The following DNAJC1 variants were observed in gnomAD, a reference collection of about 807,000 sequenced individuals.
The protein encoded by DNAJC1 is DnaJ heat shock protein family (Hsp40) member C1.
DNAJC1 carries 58 observed loss-of-function variants against 76.6 expected under a neutral mutation model. The observed-to-expected ratio is 0.76, with a 90% CI of 0.61 to 0.94. The LOEUF (loss-of-function observed/expected upper bound fraction) is 0.94. Among genes scored for constraint, DNAJC1 ranks in the 40% least tolerant of loss-of-function variants. The pLI, the probability that DNAJC1 is intolerant of heterozygous loss-of-function variation, is 0.00. For synonymous variants in DNAJC1, 258 were observed against 267.9 expected, an observed-to-expected ratio of 0.96 and a Z score of 0.36; for missense variants, 689 against 677.3, an observed-to-expected ratio of 1.02 and a Z score of -0.19.
chr10:21,923,067 C>T (rs567179437), intron 3 of DNAJC1, among the ~76,000 whole-genome samples: 1 of 151,920 alleles, frequency 6.6e-6, no homozygotes, highest in African/African-American at 2.4e-5. Flanking sequence ...TATTTTCTAC[C>T]CTACGTACAA....
At chr10:21,988,522 A>G (rs928368703) in intron 1 of DNAJC1, among the ~76,000 whole-genome samples, 3 of 152,178 alleles carry the variant, frequency 2.0e-5, no homozygotes, top group Admixed American at 1.3e-4. Context: ...CATTTAAAGT[A>G]TGTTCCAAAT....
chr10:21,981,704 C>T (rs746615165), intron 1 of DNAJC1, among the ~76,000 whole-genome samples: 27 of 152,084 alleles, frequency 1.8e-4, no homozygotes, highest in Admixed American at 3.3e-4. Flanking sequence ...GCAGACGGTG[C>T]CAGGAAAACT....
At chr10:21,781,872 C>T (rs1320167487) in intron 9 of DNAJC1, among the ~76,000 whole-genome samples, 1 of 151,748 alleles carries the variant, frequency 6.6e-6, no homozygotes, top group African/African-American at 2.4e-5. Flanking sequence ...CACAACATAC[C>T]AGAATCTCTG....
chr10:21,899,919 G>A (rs538707878), intron 7 of DNAJC1, among the ~76,000 whole-genome samples: 1 of 152,334 alleles, frequency 6.6e-6, no homozygotes, highest in South Asian at 2.1e-4. Context: ...AAACTTTCCA[G>A]GACTGGAAGT....
chr10:21,861,502 C>T (rs1040503586), intron 8 of DNAJC1, among the ~76,000 whole-genome samples: 17 of 152,080 alleles, frequency 1.1e-4, no homozygotes, highest in Admixed American at 2.0e-4. Context: ...TGAGTAGGGG[C>T]TGGATAAAAT....
chr10:21,978,450 A>C (rs2131835103), intron 1 of DNAJC1, among the ~76,000 whole-genome samples: 1 of 152,268 alleles, frequency 6.6e-6, no homozygotes, highest in East Asian at 1.9e-4. Context: ...AGGGGTCAGC[A>C]ATTTCTTAAG....
intron 8 of DNAJC1, among the ~76,000 whole-genome samples, chr10:21,874,174 G>C (rs907871121): frequency 6.6e-6 from 1 of 152,208 alleles, no homozygotes; most frequent in African/African-American, 2.4e-5. Context: ...CCAGCAATTT[G>C]GGAGGCCGAA....
chr10:21,976,920 T>C (rs991654351), intron 1 of DNAJC1, among the ~76,000 whole-genome samples: 1 of 152,140 alleles, frequency 6.6e-6, no homozygotes, highest in Admixed American at 6.6e-5. Context: ...ATTTCTCTTT[T>C]CTTCCGTAAC....
chr10:21,858,409 G>A (rs1259907114), intron 8 of DNAJC1, among the ~76,000 whole-genome samples: 1 of 152,156 alleles, frequency 6.6e-6, no homozygotes, highest in African/African-American at 2.4e-5. Flanking sequence ...TAAACGACCA[G>A]AATGCCATTT....
intron 9 of DNAJC1, among the ~76,000 whole-genome samples, chr10:21,782,333 T>C (rs1834542472): frequency 6.6e-6 from 1 of 152,094 alleles, no homozygotes; most frequent in South Asian, 2.1e-4. Flanking sequence ...CTCCCAAGAC[T>C]AAACCAGGAA....
intron 8 of DNAJC1, among the ~76,000 whole-genome samples, chr10:21,855,454 A>G (rs2131693181): frequency 6.6e-6 from 1 of 152,350 alleles, no homozygotes; most frequent in East Asian, 1.9e-4. Flanking sequence ...ATTTTCTAAT[A>G]GGCAAAGCTC....
At position 21,920,937 on chromosome 10, in the gene DNAJC1, A is replaced by T. The variant is rs1564827749; in HGVS notation, c.398T>A (p.Leu133His). Residue 133 changes from leucine to histidine, a missense_variant, in exon 4 of 12, where the codon CTT becomes CAT. Leu to His is a moderately conservative substitution (Grantham distance 99). Transcript: ENST00000376980. ...GAATACAGGCTGTCGCCAATCTGGA[A>T]GTCCATTGATCAGAATATCATCATA... ...QRYDDILING[L>H]PDWRQPVFYY... 3.1e-6 allele frequency: 5 copies of T among 1,611,606 alleles called. No individual in the cohort carries two copies. The highest frequency in any genetic ancestry group is 4.2e-6 in the Non-Finnish European group (5 of 1,178,574).
chr10:21,841,607 G>A (rs1835575071), intron 8 of DNAJC1, among the ~76,000 whole-genome samples: 1 of 152,158 alleles, frequency 6.6e-6, no homozygotes, highest in East Asian at 1.9e-4. Flanking sequence ...GAAACAACAG[G>A]TGCTGGAGAG....
chr10:21,952,945 G>T (rs1401284218), intron 1 of DNAJC1, among the ~76,000 whole-genome samples: 1 of 151,960 alleles, frequency 6.6e-6, no homozygotes, highest in Non-Finnish European at 1.5e-5. Flanking sequence ...TATTGTTCTT[G>T]TTTCAAGTTT....
intron 9 of DNAJC1, among the ~76,000 whole-genome samples, chr10:21,798,987 C>T (rs1189656712): frequency 6.6e-6 from 1 of 152,146 alleles, no homozygotes; most frequent in African/African-American, 2.4e-5. Flanking sequence ...CACATATGTG[C>T]CTGACCAACA....
chr10:21,898,458 T>C (rs1836582879), intron 7 of DNAJC1, among the ~76,000 whole-genome samples: 1 of 152,162 alleles, frequency 6.6e-6, no homozygotes, highest in Non-Finnish European at 1.5e-5. Context: ...CTGCCAGTTA[T>C]ATAAAAGTAT....
chr10:21,809,521 A>T (rs1661203133), intron 8 of DNAJC1, among the ~76,000 whole-genome samples: 1 of 151,322 alleles, frequency 6.6e-6, no homozygotes, highest in South Asian at 2.1e-4. Context: ...TATATAACAC[A>T]TTATTATACA....
intron 1 of DNAJC1, among the ~76,000 whole-genome samples, chr10:21,987,581 CA>C (rs1838267142): frequency 6.6e-6 from 1 of 152,020 alleles, no homozygotes; most frequent in African/African-American, 2.4e-5. Flanking sequence ...TGATCATAGA[CA>C]ACAAATCTAC....
At chr10:21,844,231 G>C (rs1437682653) in intron 8 of DNAJC1, among the ~76,000 whole-genome samples, 1 of 151,942 alleles carries the variant, frequency 6.6e-6, no homozygotes, top group Admixed American at 6.6e-5. Context: ...CTCCCGAGTA[G>C]CTGGGATTAC....
Sources: gnomAD v4.1 joint callset for allele counts (sites outside exome capture counted in the v4.1 genomes callset) on GRCh38, gnomAD v4.1.1 for gene constraint, MANE v1.5 for transcripts, NCBI Gene and HGNC (gene_info 2026-07-23, HGNC 2026-07-21) for gene names.